SHISA9: variants seen among roughly 807,000 people sequenced by gnomAD.
The protein encoded by SHISA9 is shisa family member 9, also known as protein shisa-9.
SHISA9 carries 13 observed loss-of-function variants against 38.0 expected under a neutral mutation model. The observed-to-expected ratio is 0.34, with a 90% CI of 0.22 to 0.54. The LOEUF is 0.54. SHISA9 is among the 20% of genes least tolerant of loss of function. The pLI is 0.91. For synonymous variants in SHISA9, 275 were observed against 242.0 expected (o/e 1.14, Z -1.27); for missense variants, 538 against 575.8 (o/e 0.93, Z 0.67).
the SHISA9 span, among the ~76,000 whole-genome samples, chr16:13,272,264 C>T: frequency 6.6e-6 from 1 of 151,962 alleles, no homozygotes; most frequent in Non-Finnish European, 1.5e-5. Context: ...CAATAGTGAT[C>T]GCCGACAGTT....
At position 12,941,270 on chromosome 16, in the gene SHISA9, G is replaced by T. The variant is rs534402755; in HGVS notation, c.691+24455G>T. 2.0e-5 allele frequency among the ~76,000 whole-genome samples: 3 copies of T among 152,310 alleles called. 1 individual carries two copies. In the South Asian group the frequency reaches 6.2e-4, roughly 32 times the overall value. ...GGAACCTAAGGCAGGAGAATTGCTT[G>T]AACCCAGGAGGCGGAGGCTACAGTA... On this transcript the variant is annotated intron_variant, in intron 2 of 4. Coordinates refer to ENST00000558583, the MANE Select transcript of SHISA9 (RefSeq NM_001145204.3).
Position 13,050,444 on chromosome 16 carries a change from AC to A in SHISA9, c.691+133631del, listed in dbSNP as rs1388189040. Among the ~76,000 whole-genome samples the A allele has an allele frequency of 2.6e-5, 4 of 152,068 alleles. No individual in the cohort carries two copies. The East Asian group carries it at 7.7e-4, about 29-fold the overall frequency. Reference sequence around the variant, plus strand: ...CCTCCCAGGCTCAAGCCATCCCCCTACCTCAGCCCGTCAAGTGGCTGGGACT... The same window carrying A: ...CCTCCCAGGCTCAAGCCATCCCCCTACTCAGCCCGTCAAGTGGCTGGGACT... On this transcript the variant is annotated intron_variant, in intron 2 of 4. Coordinates refer to ENST00000558583, the MANE Select transcript of SHISA9 (RefSeq NM_001145204.3).
At chr16:13,485,255 T>C in the SHISA9 span, among the ~76,000 whole-genome samples, 6 of 152,170 alleles carry the variant, frequency 3.9e-5, no homozygotes, top group African/African-American at 7.2e-5. Flanking sequence ...TGTGTTCTCA[T>C]TGGTCAACTC....
intron 1 of SHISA9, chr16:12,911,498 T>G (rs1439856292): frequency 1.7e-6 from 1 of 582,338 alleles, no homozygotes; most frequent in African/African-American, 2.0e-5. Context: ...GGACAGAAAT[T>G]TCAAACCAAG....
At chr16:13,409,646 T>G in the SHISA9 span, among the ~76,000 whole-genome samples, 1 of 152,218 alleles carries the variant, frequency 6.6e-6, no homozygotes, top group African/African-American at 2.4e-5. Flanking sequence ...GAGAATCACA[T>G]AAACTTATCT....
the SHISA9 span, among the ~76,000 whole-genome samples, chr16:13,426,362 T>C: frequency 6.6e-6 from 1 of 152,256 alleles, no homozygotes; most frequent in East Asian, 1.9e-4. Context: ...AGCCAGAAAG[T>C]GGTGGAGTCT....
the SHISA9 span, among the ~76,000 whole-genome samples, chr16:13,440,174 A>G: frequency 6.6e-6 from 1 of 152,134 alleles, no homozygotes; most frequent in Non-Finnish European, 1.5e-5. Context: ...TCTTAATGGT[A>G]TGTGGGTGGG....
At chr16:13,429,271 G>C in the SHISA9 span, among the ~76,000 whole-genome samples, 1 of 152,184 alleles carries the variant, frequency 6.6e-6, no homozygotes, top group African/African-American at 2.4e-5. Context: ...AAACTGGGTG[G>C]CTTAAATAAG....
chr16:13,060,413 A>G (rs2073360232), intron 2 of SHISA9, among the ~76,000 whole-genome samples: 1 of 152,170 alleles, frequency 6.6e-6, no homozygotes. Context: ...ACCTCTCTCT[A>G]GGATTCCGTT....
intron 2 of SHISA9, among the ~76,000 whole-genome samples, chr16:13,132,245 T>C (rs1198967471): frequency 6.6e-6 from 1 of 152,144 alleles, no homozygotes; most frequent in Non-Finnish European, 1.5e-5. Context: ...AGAATGGGGA[T>C]AGTAATAGTA....
intron 2 of SHISA9, among the ~76,000 whole-genome samples, chr16:13,091,705 CT>C (rs1281624843): frequency 6.6e-6 from 1 of 152,150 alleles, no homozygotes; most frequent in Non-Finnish European, 1.5e-5. Context: ...TTCGTCTAAT[CT>C]TTTTTCAAGG....
chr16:13,163,903 A>G (rs2050615435), intron 2 of SHISA9, among the ~76,000 whole-genome samples: 1 of 152,068 alleles, frequency 6.6e-6, no homozygotes, highest in Non-Finnish European at 1.5e-5. Context: ...AATTTTCAAC[A>G]GAGATGATCT....
chr16:13,465,188 A>C, the SHISA9 span, among the ~76,000 whole-genome samples: 1 of 152,198 alleles, frequency 6.6e-6, no homozygotes, highest in African/African-American at 2.4e-5. Context: ...CAACATCCTC[A>C]GCCTCTACTT....
chr16:13,258,837 C>T, the SHISA9 span, among the ~76,000 whole-genome samples: 1 of 152,176 alleles, frequency 6.6e-6, no homozygotes, highest in Non-Finnish European at 1.5e-5. Flanking sequence ...GTCCTTCCCA[C>T]AATACATGGG....
chr16:13,099,994 C>T (rs543385853), intron 2 of SHISA9, among the ~76,000 whole-genome samples: 42 of 152,152 alleles, frequency 2.8e-4, no homozygotes, highest in Non-Finnish European at 5.1e-4. Flanking sequence ...CCGACAGGAG[C>T]CAGGCTGGAT....
the SHISA9 span, among the ~76,000 whole-genome samples, chr16:13,262,510 G>A: frequency 6.6e-6 from 1 of 152,120 alleles, no homozygotes; most frequent in African/African-American, 2.4e-5. Context: ...CCAATAGCCT[G>A]GAGGATCTTT....
the SHISA9 span, among the ~76,000 whole-genome samples, chr16:13,315,457 C>G: frequency 6.6e-6 from 1 of 152,158 alleles, no homozygotes; most frequent in Non-Finnish European, 1.5e-5. Context: ...ATATTCATTA[C>G]CTCGTTTAAT....
intron 2 of SHISA9, among the ~76,000 whole-genome samples, chr16:13,012,013 GC>G (rs1307288166): frequency 4.0e-5 from 6 of 151,772 alleles, no homozygotes; most frequent in African/African-American, 1.5e-4. Context: ...TTTCGTAGAG[GC>G]AGGGTTTTGC....
At chr16:13,539,361 A>AAC in the SHISA9 span, among the ~76,000 whole-genome samples, 2,670 of 80,588 alleles carry the variant, frequency 0.033, 257 homozygotes, top group East Asian at 0.15. Flanking sequence ...ATATATATAA[A>AAC]GACAGGATCT....
Sources: gnomAD v4.1 joint callset for allele counts (sites outside exome capture counted in the v4.1 genomes callset) on GRCh38, gnomAD v4.1.1 for gene constraint, MANE v1.5 for transcripts, NCBI Gene and HGNC (gene_info 2026-07-23, HGNC 2026-07-21) for gene names.